Variants in SFXN1 observed in about 807,000 individuals in gnomAD.
SFXN1 encodes sideroflexin-1.
A neutral mutation model predicts 39.5 loss-of-function variants in SFXN1; 32 were observed. The ratio of observed to expected loss-of-function variants is 0.81; its 90% confidence interval spans 0.61 to 1.09. The LOEUF is 1.09. Ranked by LOEUF, SFXN1 falls within the 50% of genes least tolerant of loss-of-function variation. SFXN1 has a pLI of 0.00. For missense variants in SFXN1, 402 were observed against 407.1 expected (o/e 0.99, Z 0.11); for synonymous variants, 136 against 146.5 (o/e 0.93, Z 0.52).
At chr5:175,514,529 A>G (rs1478706136) in intron 7 of SFXN1, among the ~76,000 whole-genome samples, 1 of 152,208 alleles carries the variant, frequency 6.6e-6, no homozygotes, top group Non-Finnish European at 1.5e-5. Flanking sequence ...TTTAATTTTC[A>G]TCATCTAAAC....
rs751285125 is a variant in SFXN1, at chr5:175,512,104, T to C, written c.511-7T>C. 1.2e-6 allele frequency: 2 copies of C among 1,613,410 alleles called. No individual in the cohort carries two copies. The highest frequency in any genetic ancestry group is 1.7e-5 in the Admixed American group (1 of 59,894). On this transcript the variant is annotated splice_polypyrimidine_tract_variant and splice_region_variant and intron_variant, in intron 5 of 10. Coordinates refer to ENST00000321442, the MANE Select transcript of SFXN1 (RefSeq NM_022754.7). The stretch of plus-strand genomic sequence containing the variant: ...AGATAAAGCTCTTGAAATTTTCTCC[T>C]CTGCAGCATGTCTCACCACTGATAG...
chr5:175,493,080 C>T (rs888255759), intron 2 of SFXN1, among the ~76,000 whole-genome samples: 3 of 152,104 alleles, frequency 2.0e-5, no homozygotes, highest in South Asian at 2.1e-4. Context: ...GGTGAAACCC[C>T]GTCTCTACTA....
chr5:175,498,318 T>G (rs1375106812), intron 2 of SFXN1, among the ~76,000 whole-genome samples: 1 of 152,032 alleles, frequency 6.6e-6, no homozygotes, highest in Non-Finnish European at 1.5e-5. Flanking sequence ...ACGGCTTTAA[T>G]CATTTCACAT....
chr5:175,519,517 T>G (rs1385343651), intron 8 of SFXN1, among the ~76,000 whole-genome samples: 5 of 152,136 alleles, frequency 3.3e-5, no homozygotes, highest in Non-Finnish European at 7.4e-5. Flanking sequence ...AACAAACTAG[T>G]GCTACACACA....
At position 175,527,050 on chromosome 5, in the gene SFXN1, G is replaced by C. The variant is rs1761089177; in HGVS notation, c.*316G>C. 6 of 330,620 alleles carry C rather than the reference G, an allele frequency of 1.8e-5. No homozygotes were observed. The highest frequency in any genetic ancestry group is 9.0e-4 in the Middle Eastern group (1 of 1,116). The allele number at this position is 330,620 out of a possible 1,614,324, so 20.5% of individuals were successfully genotyped here. A position where few individuals can be genotyped will look rare whatever the true frequency, so the allele number is the denominator to read the frequency against. ...AAGCACTGGTAGGCATAGAATAGGTGCTCAGTATATGGTCAGTAAATGTTC... is the reference window on the plus strand; with the variant it reads ...AAGCACTGGTAGGCATAGAATAGGTCCTCAGTATATGGTCAGTAAATGTTC... On this transcript the variant is annotated 3_prime_UTR_variant, in exon 11 of 11. Coordinates refer to ENST00000321442, the MANE Select transcript of SFXN1 (RefSeq NM_022754.7).
At chr5:175,514,265 T>C (rs537486411) in intron 7 of SFXN1, among the ~76,000 whole-genome samples, 42 of 152,068 alleles carry the variant, frequency 2.8e-4, no homozygotes, top group Admixed American at 8.5e-4. Context: ...ATGGAGCAAA[T>C]TGGAATGGTT....
At chr5:175,500,674 A>G (rs1416534095) in intron 2 of SFXN1, among the ~76,000 whole-genome samples, 1 of 152,180 alleles carries the variant, frequency 6.6e-6, no homozygotes, top group Non-Finnish European at 1.5e-5. Context: ...ATTGGAAACA[A>G]TTTTGAAAAA....
At chr5:175,498,427 T>C (rs1759949518) in intron 2 of SFXN1, among the ~76,000 whole-genome samples, 1 of 152,210 alleles carries the variant, frequency 6.6e-6, no homozygotes, top group East Asian at 1.9e-4. Flanking sequence ...CTGCGGTAGG[T>C]GGTAGAGCCA....
chr5:175,506,602 G>T (rs899281120), intron 2 of SFXN1, among the ~76,000 whole-genome samples: 2 of 152,054 alleles, frequency 1.3e-5, no homozygotes, highest in African/African-American at 2.4e-5. Context: ...TAGGAGATTG[G>T]TATATATTAC....
intron 2 of SFXN1, among the ~76,000 whole-genome samples, chr5:175,501,925 A>T (rs2662154): frequency 0.055 from 8,321 of 152,140 alleles, 750 homozygotes; most frequent in African/African-American, 0.19. Flanking sequence ...GGGAGACCGG[A>T]GTTTTATTAT....
At chr5:175,523,795 C>A (rs116776669) in intron 10 of SFXN1, 282 of 151,990 alleles carry the variant, frequency 1.9e-3, no homozygotes, top group African/African-American at 6.3e-3. Flanking sequence ...GAAACCAATC[C>A]TCTTTTGTTT....
intron 2 of SFXN1, among the ~76,000 whole-genome samples, chr5:175,505,219 C>T (rs1760241131): frequency 6.6e-6 from 1 of 151,986 alleles, no homozygotes; most frequent in African/African-American, 2.4e-5. Context: ...CAAATTACAA[C>T]TGTGGTCACC....
At chr5:175,503,926 C>T (rs747088584) in intron 2 of SFXN1, among the ~76,000 whole-genome samples, 5 of 150,508 alleles carry the variant, frequency 3.3e-5, no homozygotes, top group African/African-American at 1.2e-4. Context: ...ATTGCTTGAA[C>T]CTGGGAGGTA....
At position 175,491,096 on chromosome 5, in the gene SFXN1, T is replaced by A. The variant is rs778332711; in HGVS notation, c.-9-999T>A. On this transcript the variant is annotated intron_variant, in intron 1 of 10. Coordinates refer to ENST00000321442, the MANE Select transcript of SFXN1 (RefSeq NM_022754.7). Reference sequence around the variant, plus strand: ...GGGCAGTTCTAAAATAAACATGTATTACTCAGAGAAAGAAATTAATTACTT... The same window carrying A: ...GGGCAGTTCTAAAATAAACATGTATAACTCAGAGAAAGAAATTAATTACTT... 3.3e-5 allele frequency among the ~76,000 whole-genome samples: 5 copies of A among 152,226 alleles called. No homozygotes were observed. In the East Asian group the frequency reaches 9.6e-4, roughly 29 times the overall value.
intron 7 of SFXN1, among the ~76,000 whole-genome samples, chr5:175,514,240 G>T (rs1390155471): frequency 6.6e-6 from 1 of 152,170 alleles, no homozygotes; most frequent in Non-Finnish European, 1.5e-5. Flanking sequence ...GTGGGAATTT[G>T]ACCAGAAGGA....
In SFXN1 at chr5:175,513,443, G is replaced by T; in HGVS notation, c.597-20G>T. 1 of 1,609,586 alleles carries T rather than the reference G, an allele frequency of 6.2e-7. No homozygotes were observed. Among genetic ancestry groups the T allele is most frequent in the South Asian group, 1.1e-5 (1 of 90,950 alleles). On this transcript the variant is annotated intron_variant, in intron 6 of 10. Transcript: ENST00000321442. ...ATTGAAGGCATTGGTGGAGCTCTCT[G>T]TATGTGTTTTGCTCTGCAGGGAACT...
At chr5:175,492,520 C>A (rs1283260150) in intron 2 of SFXN1, 1 of 301,750 alleles carries the variant, frequency 3.3e-6, no homozygotes, top group Non-Finnish European at 6.0e-6. Context: ...ATACCAATCC[C>A]TTTCTCCTGG....
intron 2 of SFXN1, among the ~76,000 whole-genome samples, chr5:175,496,733 G>A (rs748459128): frequency 6.6e-6 from 1 of 152,080 alleles, no homozygotes; most frequent in Admixed American, 6.6e-5. Context: ...TTGTACTTAC[G>A]AAATTACAGT....
chr5:175,509,029 T>C lies in SFXN1; in HGVS notation c.165-3T>C. 1.9e-6 allele frequency: 3 copies of C among 1,600,506 alleles called. No homozygotes were observed. The highest frequency in any genetic ancestry group is 8.5e-7 in the Non-Finnish European group (1 of 1,173,358). On this transcript the variant is annotated splice_polypyrimidine_tract_variant and splice_region_variant and intron_variant, in intron 2 of 10. Coordinates refer to ENST00000321442, the MANE Select transcript of SFXN1 (RefSeq NM_022754.7). ...ATTGCCATATTATTTGTTGTTTTCT[T>C]AGGCAAGGAATTGTTCCTCCTGGTC... is the stretch of plus-strand genomic sequence containing the variant.
Sources: gnomAD v4.1 joint callset for allele counts (sites outside exome capture counted in the v4.1 genomes callset) on GRCh38, gnomAD v4.1.1 for gene constraint, MANE v1.5 for transcripts, NCBI Gene and HGNC (gene_info 2026-07-23, HGNC 2026-07-21) for gene names.